ADAMTS19: variants seen among roughly 807,000 people sequenced by gnomAD.
ADAMTS19 encodes the protein ADAM metallopeptidase with thrombospondin type 1 motif 19.
Under a neutral mutation model 153.3 loss-of-function variants are expected in ADAMTS19, and 93 were observed. The ratio of observed to expected loss-of-function variants is 0.61; its 90% CI spans 0.51 to 0.72. The LOEUF is 0.72. ADAMTS19 is among the 30% of genes least tolerant of loss of function. The pLI is 0.00. For missense variants in ADAMTS19, 1,482 were observed against 1,552.1 expected, an observed-to-expected ratio of 0.95 and a Z score of 0.76; for synonymous variants, 600 against 556.6, an observed-to-expected ratio of 1.08 and a Z score of -1.10.
chr5:129,472,648 T>G (rs1057340843), intron 2 of ADAMTS19, among the ~76,000 whole-genome samples: 1 of 152,090 alleles, frequency 6.6e-6, no homozygotes. Context: ...CTGCTTCCTA[T>G]TCTAGAATCT....
chr5:129,520,189 C>T (rs934840171), intron 3 of ADAMTS19, among the ~76,000 whole-genome samples: 2 of 152,012 alleles, frequency 1.3e-5, no homozygotes, highest in Admixed American at 1.3e-4. Context: ...TGGTTTTCTT[C>T]AAAACTTTCT....
chr5:129,631,376 TAG>T (rs1267065275), intron 10 of ADAMTS19, among the ~76,000 whole-genome samples: 11 of 151,924 alleles, frequency 7.2e-5, no homozygotes, highest in Admixed American at 7.2e-4. Flanking sequence ...AGGTTATTAA[TAG>T]AGTTATACAA....
chr5:129,669,112 T>G (rs956928977), intron 16 of ADAMTS19, among the ~76,000 whole-genome samples: 1 of 151,374 alleles, frequency 6.6e-6, no homozygotes, highest in Non-Finnish European at 1.5e-5. Flanking sequence ...ATTCAAATGA[T>G]TTTCAACAAG....
At chr5:129,679,676 G>C (rs1754708760) in intron 16 of ADAMTS19, 88 bp from the exon 17 acceptor site, 2 of 1,166,542 alleles carry the variant, frequency 1.7e-6, no homozygotes, top group Non-Finnish European at 2.4e-6. Context: ...TAAATAAATG[G>C]ACTAGTTTTA....
At chr5:129,687,222 G>A (rs911967114) in intron 18 of ADAMTS19, among the ~76,000 whole-genome samples, 6 of 152,190 alleles carry the variant, frequency 3.9e-5, no homozygotes, top group Admixed American at 3.3e-4. Context: ...CCATCTTGTG[G>A]TTGGGGGGCA....
chr5:129,605,525 A>C (rs572659306), intron 8 of ADAMTS19, among the ~76,000 whole-genome samples: 27 of 152,330 alleles, frequency 1.8e-4, no homozygotes, highest in African/African-American at 6.0e-4. Context: ...CTTTCTGATA[A>C]CATTTCTTAA....
At chr5:129,572,472 T>G (rs182554567) in intron 7 of ADAMTS19, among the ~76,000 whole-genome samples, 6 of 151,930 alleles carry the variant, frequency 3.9e-5, no homozygotes, top group Admixed American at 1.3e-4. Flanking sequence ...TGATCACAAA[T>G]GTTTATATCT....
intron 7 of ADAMTS19, among the ~76,000 whole-genome samples, chr5:129,590,978 C>G (rs1750105410): frequency 6.6e-6 from 1 of 152,174 alleles, no homozygotes; most frequent in South Asian, 2.1e-4. Context: ...ATCCTAAATA[C>G]AGTGTTGATG....
chr5:129,555,960 G>A (rs1007097459), intron 7 of ADAMTS19, among the ~76,000 whole-genome samples: 8 of 152,160 alleles, frequency 5.3e-5, no homozygotes, highest in African/African-American at 1.9e-4. Flanking sequence ...CATTCGCTGA[G>A]TCAAAAGGTT....
intron 21 of ADAMTS19, among the ~76,000 whole-genome samples, chr5:129,731,078 C>T (rs1188851186): frequency 6.6e-6 from 1 of 152,042 alleles, no homozygotes; most frequent in Non-Finnish European, 1.5e-5. Context: ...CCTGTCTCAT[C>T]CTCCCCAATA....
intron 6 of ADAMTS19, among the ~76,000 whole-genome samples, chr5:129,550,544 C>A: frequency 6.7e-6 from 1 of 149,100 alleles, no homozygotes; most frequent in Middle Eastern, 3.7e-3. Context: ...ACAGATACAT[C>A]TATACATATA....
At chr5:129,617,384 A>G (rs1012391514) in intron 8 of ADAMTS19, among the ~76,000 whole-genome samples, 1 of 152,076 alleles carries the variant, frequency 6.6e-6, no homozygotes. Context: ...GTAATCATCC[A>G]TATTTGGAAA....
At chr5:129,642,433 G>A (rs1752832792) in intron 11 of ADAMTS19, among the ~76,000 whole-genome samples, 1 of 152,114 alleles carries the variant, frequency 6.6e-6, no homozygotes, top group East Asian at 1.9e-4. Context: ...TAAATATTTG[G>A]CTGTCTGTGT....
At chr5:129,598,892 C>T (rs1451739364) in intron 8 of ADAMTS19, among the ~76,000 whole-genome samples, 1 of 152,066 alleles carries the variant, frequency 6.6e-6, no homozygotes, top group Non-Finnish European at 1.5e-5. Flanking sequence ...AGAAGTTTGT[C>T]CTCTATATAT....
chr5:129,658,309 A>AAGAGAG lies in ADAMTS19; in HGVS notation c.2305-307_2305-306insGAGAGA, dbSNP rs1454863600. ...TGAAAGAAAAAGAAAGAAAGAAAGA[A>AAGAGAG]AAAGAAAGAAAGAAAGAAAGAAAGA... On this transcript the variant is annotated intron_variant, in intron 14 of 22. Coordinates refer to ENST00000274487, the MANE Select transcript of ADAMTS19 (RefSeq NM_133638.6). Among the ~76,000 whole-genome samples, 120 of 113,684 alleles carry AAGAGAG rather than the reference A, an allele frequency of 1.1e-3. 6 individuals are homozygous for AAGAGAG. Among genetic ancestry groups the AAGAGAG allele is most frequent in the African/African-American group, 4.5e-3 (113 of 25,134 alleles). The allele number at this position is 113,684 out of a possible 152,430, so 74.6% of individuals were successfully genotyped here. A position where few individuals can be genotyped will look rare whatever the true frequency, so the allele number is the denominator to read the frequency against.
chr5:129,478,522 G>T (rs969846016), intron 2 of ADAMTS19, among the ~76,000 whole-genome samples: 1 of 152,084 alleles, frequency 6.6e-6, no homozygotes, highest in South Asian at 2.1e-4. Flanking sequence ...ACAAGGATAC[G>T]TAGAAAGTGG....
chr5:129,519,648 G>GAA (rs60640527), intron 3 of ADAMTS19, among the ~76,000 whole-genome samples: 1,601 of 144,712 alleles, frequency 0.011, 29 homozygotes, highest in African/African-American at 0.036. Flanking sequence ...CATTTTATAG[G>GAA]AAAAAAAAAA....
intron 16 of ADAMTS19, among the ~76,000 whole-genome samples, chr5:129,675,218 T>G (rs1754501515): frequency 1.3e-5 from 2 of 152,234 alleles, no homozygotes; most frequent in Non-Finnish European, 2.9e-5. Context: ...GATTATAATG[T>G]ACCTTGTATG....
rs1296976214 is a variant in ADAMTS19 at position 129,647,750 on chromosome 5, T to C, written c.1873-15T>C. ...TGCCCTGATTTGTTCACCTAAGACA[T>C]AACTTTTGGAATAGTGGTGTAAGGC... On this transcript the variant is annotated splice_polypyrimidine_tract_variant and intron_variant, in intron 11 of 22. Transcript: ENST00000274487. The C allele has an allele frequency of 3.7e-6, 6 of 1,612,568 alleles. No individual in the cohort carries two copies. Among genetic ancestry groups the C allele is most frequent in the Non-Finnish European group, 4.2e-6 (5 of 1,179,018 alleles).
Sources: allele counts gnomAD v4.1 joint callset (sites outside exome capture counted in the v4.1 genomes callset), GRCh38; gene constraint gnomAD v4.1.1; transcripts MANE v1.5; gene names NCBI Gene and HGNC (gene_info 2026-07-23, HGNC 2026-07-21).